Variants in KCNIP4 observed in about 807,000 individuals in gnomAD.
KCNIP4 encodes the protein Kv channel-interacting protein 4.
Under a neutral mutation model 34.0 loss-of-function variants are expected in KCNIP4, and 12 were observed. That is an observed-to-expected ratio of 0.35 (90% CI 0.23 to 0.57). The LOEUF is 0.57. KCNIP4 is among the 20% of genes least tolerant of loss of function. The pLI, the probability that KCNIP4 is intolerant of heterozygous loss-of-function variation, is 0.83. For missense variants in KCNIP4, 238 were observed against 311.7 expected, an observed-to-expected ratio of 0.76 and a Z score of 1.78; for synonymous variants, 124 against 102.2, an observed-to-expected ratio of 1.21 and a Z score of -1.29.
intron 1 of KCNIP4, among the ~76,000 whole-genome samples, chr4:21,307,314 T>C (rs545246221): frequency 4.6e-5 from 7 of 152,292 alleles, no homozygotes; most frequent in African/African-American, 1.4e-4. Flanking sequence ...CTTATCCCCA[T>C]ATCTTCCCAT....
chr4:21,824,503 A>T (rs1475644529), intron 1 of KCNIP4, among the ~76,000 whole-genome samples: 1 of 152,052 alleles, frequency 6.6e-6, no homozygotes, highest in Non-Finnish European at 1.5e-5. Context: ...TGGCTCAACC[A>T]ATTCTGTGAT....
chr4:21,350,490 C>T (rs189859108), intron 1 of KCNIP4, among the ~76,000 whole-genome samples: 3 of 152,250 alleles, frequency 2.0e-5, no homozygotes, highest in East Asian at 1.9e-4. Context: ...AACTTCTGGA[C>T]TCTTTTCTCT....
chr4:20,882,345 C>T lies in KCNIP4; in HGVS notation c.163+263G>A, dbSNP rs57012831. 6.7e-3 allele frequency among the ~76,000 whole-genome samples: 1,015 copies of T among 152,182 alleles called. 4 individuals carry two copies. Among genetic ancestry groups the T allele is most frequent in the African/African-American group, 0.023 (958 of 41,520 alleles). On this transcript the variant is annotated intron_variant, in intron 2 of 8. Coordinates refer to ENST00000382152, the MANE Select transcript of KCNIP4 (RefSeq NM_025221.6). Reference sequence around the variant, plus strand: ...ATTCCTACAGTTACTTGAGTCCAGTCCCCATCCCTTACATCAAACAAAAAT... The same window carrying T: ...ATTCCTACAGTTACTTGAGTCCAGTTCCCATCCCTTACATCAAACAAAAAT...
At chr4:21,546,889 C>A (rs527723343) in intron 1 of KCNIP4, among the ~76,000 whole-genome samples, 2 of 148,882 alleles carry the variant, frequency 1.3e-5, no homozygotes, top group Non-Finnish European at 3.0e-5. Context: ...AGGGGCAGAA[C>A]TAAAAACTCC....
chr4:21,304,000 C>CG, intron 1 of KCNIP4: 1 of 1,265,190 alleles, frequency 7.9e-7, no homozygotes, highest in Non-Finnish European at 1.0e-6. Context: ...AAGAAGGCTA[C>CG]TGCTGGAGAA....
chr4:21,922,731 T>C, intron 1 of KCNIP4, among the ~76,000 whole-genome samples: 1 of 152,012 alleles, frequency 6.6e-6, no homozygotes, highest in East Asian at 1.9e-4. Flanking sequence ...GGGCCAGAAG[T>C]GGAGTGAAAC....
At chr4:20,929,425 C>T (rs1730218721) in intron 1 of KCNIP4, among the ~76,000 whole-genome samples, 1 of 151,936 alleles carries the variant, frequency 6.6e-6, no homozygotes, top group Non-Finnish European at 1.5e-5. Flanking sequence ...CCACAGCTAA[C>T]ATAATAATCA....
chr4:20,848,320 G>A (rs1720615558), intron 3 of KCNIP4, among the ~76,000 whole-genome samples: 1 of 151,552 alleles, frequency 6.6e-6, no homozygotes, highest in Admixed American at 6.6e-5. Context: ...GAGCTGAAAG[G>A]AGACAATAAT....
At chr4:20,873,768 C>T (rs1474744834) in intron 2 of KCNIP4, among the ~76,000 whole-genome samples, 1 of 152,208 alleles carries the variant, frequency 6.6e-6, no homozygotes, top group Non-Finnish European at 1.5e-5. Flanking sequence ...TCCCCATTGC[C>T]TCTCTGCAGA....
chr4:21,377,648 G>A (rs149265781), intron 1 of KCNIP4, among the ~76,000 whole-genome samples: 1 of 152,276 alleles, frequency 6.6e-6, no homozygotes, highest in East Asian at 1.9e-4. Flanking sequence ...CTCATTGCTG[G>A]TTGTTTGCGT....
chr4:21,328,314 G>T (rs1280730226), intron 1 of KCNIP4, among the ~76,000 whole-genome samples: 1 of 152,186 alleles, frequency 6.6e-6, no homozygotes. Context: ...GGCTCTTGCA[G>T]ATTCATGGAG....
At chr4:20,820,994 C>T (rs1310987802) in intron 3 of KCNIP4, among the ~76,000 whole-genome samples, 5 of 152,088 alleles carry the variant, frequency 3.3e-5, no homozygotes, top group African/African-American at 4.8e-5. Context: ...TCAAAGGATG[C>T]CTTGGAGAGC....
chr4:21,760,882 A>T (rs1718004079), intron 1 of KCNIP4, among the ~76,000 whole-genome samples: 1 of 152,132 alleles, frequency 6.6e-6, no homozygotes. Context: ...AACATATCTT[A>T]ATAAGCTAAG....
At chr4:20,773,606 T>C (rs1447901546) in intron 3 of KCNIP4, among the ~76,000 whole-genome samples, 2 of 152,170 alleles carry the variant, frequency 1.3e-5, no homozygotes, top group East Asian at 3.9e-4. Context: ...GGGGCAGTAG[T>C]GTCCTCCATG....
intron 1 of KCNIP4, among the ~76,000 whole-genome samples, chr4:20,982,708 T>C (rs191308171): frequency 1.3e-5 from 2 of 152,356 alleles, no homozygotes; most frequent in Admixed American, 6.5e-5. Context: ...ATCATTAACA[T>C]ATTAAGAGAA....
chr4:21,936,442 C>G (rs1729866322), intron 1 of KCNIP4, among the ~76,000 whole-genome samples: 1 of 152,102 alleles, frequency 6.6e-6, no homozygotes, highest in Non-Finnish European at 1.5e-5. Context: ...AACCTCTTTC[C>G]TTTATAAATT....
chr4:20,795,747 G>A (rs1713366740), intron 3 of KCNIP4, among the ~76,000 whole-genome samples: 1 of 152,104 alleles, frequency 6.6e-6, no homozygotes, highest in South Asian at 2.1e-4. Flanking sequence ...TATTATAAAA[G>A]TTAATGACAT....
At chr4:20,821,895 T>A (rs759463309) in intron 3 of KCNIP4, among the ~76,000 whole-genome samples, 20 of 151,800 alleles carry the variant, frequency 1.3e-4, no homozygotes, top group Admixed American at 3.3e-4. Flanking sequence ...TCTCTCTCTC[T>A]CACACACACA....
chr4:20,870,232 G>T (rs996210554), intron 2 of KCNIP4, among the ~76,000 whole-genome samples: 1 of 151,984 alleles, frequency 6.6e-6, no homozygotes, highest in African/African-American at 2.4e-5. Context: ...GGATCATGGG[G>T]GTGGATTTCT....
Sources: allele counts gnomAD v4.1 joint callset (sites outside exome capture counted in the v4.1 genomes callset), GRCh38; gene constraint gnomAD v4.1.1; transcripts MANE v1.5; gene names NCBI Gene and HGNC (gene_info 2026-07-23, HGNC 2026-07-21).